The following UPF2 variants were observed in gnomAD, a reference collection of about 807,000 sequenced individuals.
UPF2 encodes regulator of nonsense transcripts 2.
UPF2 carries 17 observed loss-of-function variants against 141.4 expected under a neutral mutation model. The observed-to-expected ratio is 0.12, with a 90% CI of 0.08 to 0.18. The LOEUF (loss-of-function observed/expected upper bound fraction) is 0.18, where lower values mean the gene tolerates loss of function less well. Among genes scored for constraint, UPF2 ranks in the 10% least tolerant of loss-of-function variants. UPF2 has a pLI of 1.00. For synonymous variants in UPF2, 540 were observed against 498.0 expected, an observed-to-expected ratio of 1.08 and a Z score of -1.12; for missense variants, 1,152 against 1,515.9, an observed-to-expected ratio of 0.76 and a Z score of 3.99.
intron 18 of UPF2, among the ~76,000 whole-genome samples, chr10:11,942,232 G>C (rs1832944873): frequency 6.6e-6 from 1 of 152,130 alleles, no homozygotes; most frequent in South Asian, 2.1e-4. Context: ...AATTAGCCCG[G>C]GGTGGTGGCA....
chr10:11,965,512 T>C (rs1199569076), intron 10 of UPF2, among the ~76,000 whole-genome samples: 1 of 152,182 alleles, frequency 6.6e-6, no homozygotes, highest in Non-Finnish European at 1.5e-5. Flanking sequence ...CAGTCTGGAG[T>C]GCAGTGGCGC....
At chr10:11,985,766 TTAA>T (rs1321256294) in intron 8 of UPF2, among the ~76,000 whole-genome samples, 4 of 151,952 alleles carry the variant, frequency 2.6e-5, no homozygotes, top group African/African-American at 9.7e-5. Flanking sequence ...ATTAAAGTTA[TTAA>T]TAACACAAAA....
At position 11,964,047 on chromosome 10, in the gene UPF2, T is replaced by C; in HGVS notation, c.2146A>G (p.Arg716Gly). Reference sequence around the variant, plus strand: ...GTCCTCAGGTGAGATTCTGGAGATCTGAAAAGAAACCGTCCACATGTCTCC... The same window carrying C: ...GTCCTCAGGTGAGATTCTGGAGATCCGAAAAGAAACCGTCCACATGTCTCC... ...LLETCGRFLF[R>G]SPESHLRTSV... is the part of the protein sequence containing the mutation. The change falls in exon 11 of 22, where the codon AGA (arginine) becomes GGA (glycine). Residue 716 changes from arginine (R) to glycine (G), a missense_variant. Around this residue, in one of 4 missense-constraint regions of UPF2, gnomAD observed 739 missense variants for 1,032.2 expected, o/e 0.72. Coordinates refer to ENST00000357604, the MANE Select transcript of UPF2 (RefSeq NM_015542.4). 1.9e-6 allele frequency: 3 copies of C among 1,613,976 alleles called. No individual in the cohort carries two copies. Among genetic ancestry groups the C allele is most frequent in the Non-Finnish European group, 1.7e-6 (2 of 1,179,914 alleles).
intron 1 of UPF2, among the ~76,000 whole-genome samples, chr10:12,041,877 G>C (rs926412416): frequency 6.6e-6 from 1 of 152,244 alleles, no homozygotes; most frequent in Non-Finnish European, 1.5e-5. Flanking sequence ...GCATCGTTTC[G>C]TGTCGTGTAA....
chr10:11,956,325 T>C lies in UPF2; in HGVS notation c.2569A>G (p.Met857Val). Residue 857 changes from methionine (M) to valine (V), a missense_variant, in exon 13 of 22, where the codon ATG becomes GTG. By Grantham distance (21) the Met-to-Val change is conservative (BLOSUM62 1). Transcript: ENST00000357604. This position sits in a 1 kb window ranked among gnomAD's most constrained non-coding sequence, Gnocchi z 4.2. Reference protein sequence around the residue: ...DGVLEDIRLGMEVNQPKFNQR... With the variant: ...DGVLEDIRLGVEVNQPKFNQR... ...TTAAAGGAAGTCTTGTTTACCTCCA[T>C]TCCTAATCGAATATCTTCTAACACT... 1 of 1,614,100 alleles carries C rather than the reference T, an allele frequency of 6.2e-7. No individual in the cohort carries two copies. Among genetic ancestry groups the C allele is most frequent in the East Asian group, 2.2e-5 (1 of 44,872 alleles).
rs567926672 is a variant in UPF2 at position 12,032,648 on chromosome 10, G to A, written c.365+2411C>T. ...AGCTACTCAAGAGGCAGAGGCGGGA[G>A]GATCACTTGAGCCCAGAAGGCAGAG... On this transcript the variant is annotated intron_variant, in intron 2 of 21. Coordinates refer to ENST00000357604, the MANE Select transcript of UPF2 (RefSeq NM_015542.4). 7.2e-5 allele frequency among the ~76,000 whole-genome samples: 11 copies of A among 151,904 alleles called. No individual in the cohort carries two copies. In the East Asian group the frequency reaches 1.2e-3, roughly 16 times the overall value.
rs1344208121 is a variant in UPF2 at position 11,931,735 on chromosome 10, G to T, written c.3594C>A (p.His1198Gln). 5 of 1,613,640 alleles carry T rather than the reference G, an allele frequency of 3.1e-6. No homozygotes were observed. Among genetic ancestry groups the T allele is most frequent in the Non-Finnish European group, 4.2e-6 (5 of 1,179,966 alleles). Residue 1198 changes from histidine (H) to glutamine (Q), a missense_variant, in exon 20 of 22, where the codon CAC becomes CAA. His to Gln is a conservative substitution (Grantham distance 24). This residue lies in a region of UPF2 where 66 missense variants were observed against 123.5 expected (regional missense o/e 0.53). Transcript: ENST00000357604. The surrounding 1 kb of genome is among the most constrained non-coding windows in gnomAD (Gnocchi z 5.9). ...VPMSSQLAAN[H>Q]WNQQQAEQEE... is the part of the protein sequence containing the mutation. ...CTTGTTCTGCCTGTTGCTGGTTCCA[G>T]TGATTTGCAGCAAGTTGAGAGGACA... is the stretch of plus-strand genomic sequence containing the variant.
At chr10:11,938,884 G>A (rs1179362889) in intron 18 of UPF2, among the ~76,000 whole-genome samples, 8 of 11,122 alleles carry the variant, frequency 7.2e-4, no homozygotes, top group Admixed American at 4.0e-3. Flanking sequence ...TTTTTTTTTG[G>A]AGACGGAGTC....
chr10:12,018,205 T>C (rs1447796209), intron 3 of UPF2, among the ~76,000 whole-genome samples: 4 of 152,108 alleles, frequency 2.6e-5, no homozygotes, highest in East Asian at 1.9e-4. Context: ...CCTAGCACTT[T>C]GGGAGGCCAA....
intron 2 of UPF2, among the ~76,000 whole-genome samples, chr10:12,032,072 T>C (rs1409549916): frequency 2.0e-5 from 3 of 152,206 alleles, no homozygotes; most frequent in Non-Finnish European, 4.4e-5. Context: ...AACGGGTGGA[T>C]CACCTGAGGT....
Position 12,042,392 on chromosome 10 carries a change from G to A in UPF2, c.-19+363C>T, listed in dbSNP as rs564914522. ...CCCTCGCTTCCCTCCCGGCTCTCGA[G>A]GAGCTTCCCCCGACCTCCCCTCGCT... On this transcript the variant is annotated intron_variant, in intron 1 of 21. Transcript: ENST00000357604. This position sits in a 1 kb window ranked among gnomAD's most constrained non-coding sequence, Gnocchi z 5.5. Among the ~76,000 whole-genome samples the A allele has an allele frequency of 6.6e-5, 10 of 152,138 alleles. No homozygotes were observed. The East Asian group carries it at 1.9e-3, about 30-fold the overall frequency.
intron 3 of UPF2, among the ~76,000 whole-genome samples, chr10:12,025,548 C>CTAAATAAATAAATAAATAAA (rs141211300): frequency 2.7e-5 from 4 of 147,356 alleles, no homozygotes; most frequent in African/African-American, 1.0e-4. Context: ...GACTCCATCT[C>CTAAATAAATAAATAAATAAA]TAAATAAATA....
At chr10:11,950,594 T>C (rs1272670311) in intron 15 of UPF2, among the ~76,000 whole-genome samples, 1 of 152,258 alleles carries the variant, frequency 6.6e-6, no homozygotes, top group African/African-American at 2.4e-5. Flanking sequence ...TTCTCTTTTC[T>C]GTCACTAAAC....
intron 21 of UPF2, among the ~76,000 whole-genome samples, chr10:11,925,734 G>GCTGGAGA (rs1243245449): frequency 6.6e-6 from 1 of 152,228 alleles, no homozygotes; most frequent in East Asian, 1.9e-4. Context: ...CAGGGGAACA[G>GCTGGAGA]CTGGAGACTG....
chr10:12,015,130 C>T (rs946908193), intron 3 of UPF2, among the ~76,000 whole-genome samples: 3 of 151,978 alleles, frequency 2.0e-5, no homozygotes, highest in Non-Finnish European at 4.4e-5. Context: ...AATTTATAAA[C>T]CATAATGCAA....
intron 8 of UPF2, among the ~76,000 whole-genome samples, chr10:11,990,579 C>T (rs1042101555): frequency 2.7e-5 from 4 of 150,584 alleles, no homozygotes; most frequent in African/African-American, 9.8e-5. Flanking sequence ...ACTCAGGAGG[C>T]TGAGGCAGGA....
chr10:11,933,567 C>T lies in UPF2; in HGVS notation c.3547-1785G>A, dbSNP rs186376823. The stretch of plus-strand genomic sequence containing the variant: ...TTTACATAAAATTACATAAGCCACC[C>T]GGTTTATAATCTACCTACTTTGAAC... On this transcript the variant is annotated intron_variant, in intron 19 of 21. Transcript: ENST00000357604. Among the ~76,000 whole-genome samples, 156 of 152,198 alleles carry T rather than the reference C, an allele frequency of 1.0e-3. 1 individual carries two copies. In the South Asian group the frequency reaches 0.01, roughly 10 times the overall value.
At chr10:11,995,995 T>C (rs1317108675) in intron 8 of UPF2, among the ~76,000 whole-genome samples, 1 of 152,114 alleles carries the variant, frequency 6.6e-6, no homozygotes, top group Non-Finnish European at 1.5e-5. Context: ...CAGTTCCACT[T>C]GGCTCTATGC....
At chr10:12,001,856 T>C in intron 5 of UPF2, 31 bp from the exon 6 acceptor site, 2 of 1,540,342 alleles carry the variant, frequency 1.3e-6, no homozygotes, top group South Asian at 1.2e-5. Context: ...ATACCTAAAT[T>C]CAAAGTCATA....
Sources: gnomAD v4.1 joint callset for allele counts (sites outside exome capture counted in the v4.1 genomes callset) on GRCh38, gnomAD v4.1.1 for gene constraint, gnomAD v4.1.1 regional missense constraint, Gnocchi (gnomAD v3.1) non-coding constraint, MANE v1.5 for transcripts, NCBI Gene and HGNC (gene_info 2026-07-23, HGNC 2026-07-21) for gene names.